The following CHD6 variants were observed in gnomAD, a reference collection of about 807,000 sequenced individuals.
CHD6 encodes ATP-dependent chromatin remodeler CHD6.
A neutral mutation model predicts 276.9 loss-of-function variants in CHD6; 50 were observed. The observed-to-expected ratio is 0.18, with a 90% CI of 0.14 to 0.23. CHD6 has a LOEUF of 0.23. Ranked by LOEUF, CHD6 falls within the 10% of genes least tolerant of loss-of-function variation. The pLI is 1.00. For synonymous variants in CHD6, 1,173 were observed against 1,229.3 expected (o/e 0.95, Z 0.96); for missense variants, 2,564 against 3,365.8 (o/e 0.76, Z 5.89).
At chr20:41,423,743 T>A (rs761422887) in intron 29 of CHD6, 43 bp from the exon 30 acceptor site, 2 of 1,525,978 alleles carry the variant, frequency 1.3e-6, no homozygotes, top group African/African-American at 2.8e-5. Flanking sequence ...CTTTCTTCTT[T>A]TTTTAAAGCC....
At chr20:41,535,546 A>ATGATGGAACTTGG (rs574795666) in intron 2 of CHD6, among the ~76,000 whole-genome samples, 114 of 152,300 alleles carry the variant, frequency 7.5e-4, no homozygotes, top group Admixed American at 6.9e-3. Context: ...TGAGACCAGC[A>ATGATGGAACTTGG]TGATGGAACT....
chr20:41,423,803 G>A, intron 29 of CHD6, 103 bp from the exon 30 acceptor site: 1 of 884,726 alleles, frequency 1.1e-6, no homozygotes, highest in South Asian at 1.6e-5. Context: ...AGTCAAGAAA[G>A]GAGGCAGAGC....
chr20:41,472,611 T>A (rs1376310960), intron 17 of CHD6, among the ~76,000 whole-genome samples: 3 of 152,262 alleles, frequency 2.0e-5, no homozygotes, highest in Non-Finnish European at 4.4e-5. Context: ...TCTTTTTGGC[T>A]GACTTCGCGT....
At chr20:41,555,352 G>A (rs1178406896) in intron 1 of CHD6, among the ~76,000 whole-genome samples, 159 of 146,344 alleles carry the variant, frequency 1.1e-3, no homozygotes, top group African/African-American at 3.9e-3. Context: ...GCGGCCGGCC[G>A]GGCGGGGGGC....
At chr20:41,586,575 C>T (rs566166260) in intron 1 of CHD6, among the ~76,000 whole-genome samples, 24 of 152,140 alleles carry the variant, frequency 1.6e-4, no homozygotes, top group African/African-American at 5.3e-4. Flanking sequence ...ATCTTGGGAG[C>T]GGCCCACCAC....
intron 24 of CHD6, among the ~76,000 whole-genome samples, chr20:41,447,432 T>C (rs540400153): frequency 6.6e-6 from 1 of 152,304 alleles, no homozygotes; most frequent in Non-Finnish European, 1.5e-5. Flanking sequence ...AACACTAATT[T>C]GCAAAACTAA....
Position 41,484,669 on chromosome 20 carries a change from T to A in CHD6, c.2002-62A>T. ...TCCCAAGTTAACGATTACTGGGGTA[T>A]TCCAACCTTCACTCTAATTTCTTGA... On this transcript the variant is annotated intron_variant, in intron 14 of 36. Coordinates refer to ENST00000373233, the MANE Select transcript of CHD6 (RefSeq NM_032221.5). 5 of 1,540,146 alleles carry A rather than the reference T, an allele frequency of 3.2e-6. No individual in the cohort carries two copies. In the Admixed American group the frequency reaches 8.6e-5, roughly 26 times the overall value.
At position 41,451,218 on chromosome 20, in the gene CHD6, T is replaced by C. The variant is rs144095113; in HGVS notation, c.3524-113A>G. On this transcript the variant is annotated intron_variant, in intron 22 of 36. Transcript: ENST00000373233. The stretch of plus-strand genomic sequence containing the variant: ...GAACAGAGTTGGGCTGTGCTCTGGA[T>C]GGCAGACCCTACTCCTTAGCCCACA... 669 of 871,316 alleles carry C rather than the reference T, an allele frequency of 7.7e-4. 5 individuals carry two copies. The African/African-American group carries it at 1.0e-2, about 13-fold the overall frequency. 54.0% of individuals were successfully genotyped at this position (871,316 alleles called of 1,614,324 possible).
chr20:41,452,500 G>T lies in CHD6; in HGVS notation c.3323+240C>A, dbSNP rs2048267954. Among the ~76,000 whole-genome samples the T allele has an allele frequency of 6.6e-6, 1 of 152,348 alleles. No individual in the cohort carries two copies. Among genetic ancestry groups the T allele is most frequent in the South Asian group, 2.1e-4 (1 of 4,830 alleles). The stretch of plus-strand genomic sequence containing the variant: ...AGTACCAGACAGCAAATTAGGACCA[G>T]AGATTTGTTGTGACAGGCATATGAG... On this transcript the variant is annotated intron_variant, in intron 21 of 36. Transcript: ENST00000373233. This position sits in a 1 kb window ranked among gnomAD's most constrained non-coding sequence, Gnocchi z 4.2.
chr20:41,528,895 G>A, intron 3 of CHD6, among the ~76,000 whole-genome samples: 1 of 152,134 alleles, frequency 6.6e-6, no homozygotes, highest in Non-Finnish European at 1.5e-5. Context: ...GGAAAAAGTT[G>A]AAGACATTTT....
At chr20:41,415,703 C>T in intron 33 of CHD6, 65 bp from the exon 34 acceptor site, 1 of 1,255,630 alleles carries the variant, frequency 8.0e-7, no homozygotes, top group South Asian at 1.4e-5. Flanking sequence ...CTAGCTCTTT[C>T]TCCAGGCCTG....
chr20:41,412,279 A>T lies in CHD6; in HGVS notation c.7132-16T>A. On this transcript the variant is annotated splice_polypyrimidine_tract_variant and intron_variant, in intron 35 of 36. Transcript: ENST00000373233. ...CTGAAAAATTCTAGGATGAAAACGGAGACCAATATTACAAAACATGCTATC... is the reference window on the plus strand; with the variant it reads ...CTGAAAAATTCTAGGATGAAAACGGTGACCAATATTACAAAACATGCTATC... 6.2e-7 allele frequency: 1 copy of T among 1,613,746 alleles called. No homozygotes were observed. Among genetic ancestry groups the T allele is most frequent in the Non-Finnish European group, 8.5e-7 (1 of 1,179,774 alleles).
At chr20:41,544,164 C>T (rs554410202) in intron 2 of CHD6, among the ~76,000 whole-genome samples, 15 of 152,166 alleles carry the variant, frequency 9.9e-5, no homozygotes, top group South Asian at 4.2e-4. Flanking sequence ...TGCTTGAACC[C>T]GGGAGGTGGA....
chr20:41,488,120 T>C (rs2043462188), intron 13 of CHD6, among the ~76,000 whole-genome samples: 1 of 152,194 alleles, frequency 6.6e-6, no homozygotes, highest in Non-Finnish European at 1.5e-5. Context: ...GCATCATCTT[T>C]GGTACCAGTT....
intron 1 of CHD6, among the ~76,000 whole-genome samples, chr20:41,566,515 G>A (rs2045356985): frequency 1.3e-5 from 2 of 152,274 alleles, no homozygotes; most frequent in South Asian, 2.1e-4. Context: ...TCCCCACTCT[G>A]CTCCTGTGGA....
chr20:41,573,911 CAACA>C (rs895969552), intron 1 of CHD6, among the ~76,000 whole-genome samples: 1 of 152,232 alleles, frequency 6.6e-6, no homozygotes, highest in East Asian at 1.9e-4. Context: ...CCCCCAGATC[CAACA>C]AACAAACTCC....
intron 32 of CHD6, 32 bp from the exon 33 acceptor site, chr20:41,416,826 G>C: frequency 1.4e-6 from 2 of 1,459,834 alleles, no homozygotes; most frequent in Middle Eastern, 3.6e-4. Context: ...TGATGAATAA[G>C]GATCGAGTTA....
At chr20:41,488,239 C>A (rs565942608) in intron 13 of CHD6, among the ~76,000 whole-genome samples, 189 bp downstream of exon 13, 2 of 152,176 alleles carry the variant, frequency 1.3e-5, no homozygotes, top group Non-Finnish European at 2.9e-5. Flanking sequence ...TGGCAAAGGT[C>A]AAATTGTTGA....
intron 1 of CHD6, among the ~76,000 whole-genome samples, chr20:41,589,256 A>G (rs1199797617): frequency 6.6e-6 from 1 of 152,220 alleles, no homozygotes; most frequent in Non-Finnish European, 1.5e-5. Flanking sequence ...CCCACAGCCA[A>G]TATCATACTG....
Sources: gnomAD v4.1 joint callset for allele counts (sites outside exome capture counted in the v4.1 genomes callset) on GRCh38, gnomAD v4.1.1 for gene constraint, Gnocchi (gnomAD v3.1) non-coding constraint, MANE v1.5 for transcripts, NCBI Gene and HGNC (gene_info 2026-07-23, HGNC 2026-07-21) for gene names.